Variants in GNA12 observed in about 807,000 individuals in gnomAD.
The protein encoded by GNA12 is guanine nucleotide-binding protein subunit alpha-12.
Under a neutral mutation model 26.0 loss-of-function variants are expected in GNA12, and 9 were observed. The observed-to-expected ratio is 0.35, with a 90% CI of 0.21 to 0.60. GNA12 has a LOEUF of 0.60. GNA12 is among the 20% of genes least tolerant of loss of function. GNA12 has a pLI of 0.78. For missense variants in GNA12, 405 were observed against 525.8 expected (o/e 0.77, Z 2.25); for synonymous variants, 264 against 219.6 (o/e 1.20, Z -1.79).
intron 2 of GNA12, among the ~76,000 whole-genome samples, chr7:2,748,254 A>G (rs1037121694): frequency 6.6e-6 from 1 of 152,024 alleles, no homozygotes; most frequent in African/African-American, 2.4e-5. Context: ...ACCTGACTTC[A>G]AACTATACTA....
intron 2 of GNA12, among the ~76,000 whole-genome samples, chr7:2,741,336 C>A (rs939011023): frequency 2.6e-5 from 4 of 152,090 alleles, no homozygotes; most frequent in African/African-American, 9.7e-5. Context: ...GCCTGGGCAA[C>A]AGAGTGAGAC....
At chr7:2,812,707 T>C (rs1583301930) in intron 1 of GNA12, among the ~76,000 whole-genome samples, 1 of 119,154 alleles carries the variant, frequency 8.4e-6, no homozygotes, top group South Asian at 2.7e-4. Flanking sequence ...AGGGGCTTTG[T>C]GCTCCTGTCA....
chr7:2,797,950 T>C (rs970567708), intron 1 of GNA12, among the ~76,000 whole-genome samples: 1 of 152,156 alleles, frequency 6.6e-6, no homozygotes. Flanking sequence ...CACCCACTCA[T>C]GATTTTAAAA....
rs74919938 is a variant in GNA12 at position 2,808,975 on chromosome 7, C to T, written c.310-13832G>A. ...AAACCCTTTGCCCCGGATAGCCGCA[C>T]GGCTCACTTCCTCAATGCTCAGTGA... On this transcript the variant is annotated intron_variant, in intron 1 of 3. Coordinates refer to ENST00000275364, the MANE Select transcript of GNA12 (RefSeq NM_007353.3). Among the ~76,000 whole-genome samples the T allele has an allele frequency of 5.1e-3, 778 of 152,336 alleles. 7 individuals carry two copies. The highest frequency in any genetic ancestry group is 0.018 in the African/African-American group (729 of 41,574).
chr7:2,842,764 T>C (rs950312306), intron 1 of GNA12, among the ~76,000 whole-genome samples: 3 of 152,174 alleles, frequency 2.0e-5, no homozygotes, highest in Non-Finnish European at 2.9e-5. Context: ...ATTACTAATG[T>C]TTAGGTTTGC....
chr7:2,744,569 A>G (rs868361376), intron 2 of GNA12, among the ~76,000 whole-genome samples: 1 of 152,354 alleles, frequency 6.6e-6, no homozygotes, highest in South Asian at 2.1e-4. Context: ...AAGATGGGGA[A>G]AAAACAGAGC....
Position 2,831,640 on chromosome 7 carries a change from T to TG in GNA12, c.309+12212dup, listed in dbSNP as rs1778662573. Reference sequence around the variant, plus strand: ...GGATGGTCTCGATCTCCTGACCTCGTGATCCGCCCGCCTCAGCCTCCCAAA... The same window carrying TG: ...GGATGGTCTCGATCTCCTGACCTCGTGGATCCGCCCGCCTCAGCCTCCCAAA... On this transcript the variant is annotated intron_variant, in intron 1 of 3. Coordinates refer to ENST00000275364, the MANE Select transcript of GNA12 (RefSeq NM_007353.3). Among the ~76,000 whole-genome samples, 3 of 151,980 alleles carry TG rather than the reference T, an allele frequency of 2.0e-5. No individual in the cohort carries two copies. The South Asian group carries it at 6.2e-4, about 31-fold the overall frequency.
At chr7:2,774,658 T>C (rs893141617) in intron 2 of GNA12, among the ~76,000 whole-genome samples, 2 of 152,240 alleles carry the variant, frequency 1.3e-5, no homozygotes, top group Non-Finnish European at 2.9e-5. Context: ...TTTGAGAACC[T>C]ACAGTCAACA....
chr7:2,785,692 T>A (rs1362860280), intron 2 of GNA12, among the ~76,000 whole-genome samples: 1 of 146,478 alleles, frequency 6.8e-6, no homozygotes, highest in Non-Finnish European at 1.5e-5. Flanking sequence ...GTATTGTGTA[T>A]GTGCATACAC....
intron 1 of GNA12, among the ~76,000 whole-genome samples, chr7:2,839,806 C>T (rs1778938258): frequency 6.6e-6 from 1 of 152,134 alleles, no homozygotes; most frequent in Non-Finnish European, 1.5e-5. Flanking sequence ...GGGGATCAGC[C>T]TGGCCAACAT....
intron 2 of GNA12, among the ~76,000 whole-genome samples, chr7:2,745,667 C>T (rs975739488): frequency 6.6e-6 from 1 of 152,182 alleles, no homozygotes; most frequent in Non-Finnish European, 1.5e-5. Context: ...TCACACATAA[C>T]AATATTAACT....
intron 2 of GNA12, among the ~76,000 whole-genome samples, chr7:2,734,308 C>G (rs531778643): frequency 6.6e-6 from 1 of 152,316 alleles, no homozygotes; most frequent in African/African-American, 2.4e-5. Flanking sequence ...TCAAAGGTAG[C>G]GTATTAAAAA....
chr7:2,767,609 T>G, intron 2 of GNA12, among the ~76,000 whole-genome samples: 1 of 141,028 alleles, frequency 7.1e-6, no homozygotes, highest in African/African-American at 2.5e-5. Flanking sequence ...CCCTGTCTTC[T>G]TATTTAAAAT....
intron 1 of GNA12, among the ~76,000 whole-genome samples, chr7:2,827,908 G>A (rs13225060): frequency 0.011 from 1,600 of 147,470 alleles, 15 homozygotes; most frequent in Non-Finnish European, 0.018. Flanking sequence ...CCCTACCCCC[G>A]ATACTTTATT....
Position 2,772,815 on chromosome 7 carries a change from T to G in GNA12, c.525+22113A>C, listed in dbSNP as rs889393839. Among the ~76,000 whole-genome samples, 6 of 152,256 alleles carry G rather than the reference T, an allele frequency of 3.9e-5. No individual in the cohort carries two copies. The South Asian group carries it at 8.3e-4, about 21-fold the overall frequency. On this transcript the variant is annotated intron_variant, in intron 2 of 3. Transcript: ENST00000275364. Reference sequence around the variant, plus strand: ...TATTTCCAAGAGAAATCAGTGCATATATCCATTAAGAGACCTGTCCAAGAA... The same window carrying G: ...TATTTCCAAGAGAAATCAGTGCATAGATCCATTAAGAGACCTGTCCAAGAA...
chr7:2,791,552 G>T (rs1792519117), intron 2 of GNA12, among the ~76,000 whole-genome samples: 1 of 152,236 alleles, frequency 6.6e-6, no homozygotes, highest in Admixed American at 6.5e-5. Flanking sequence ...GGAACAGGGA[G>T]GCGCCTAGTA....
chr7:2,779,369 G>C (rs180843407), intron 2 of GNA12, among the ~76,000 whole-genome samples: 2 of 152,026 alleles, frequency 1.3e-5, no homozygotes, highest in African/African-American at 2.4e-5. Flanking sequence ...AATAAGTTGG[G>C]TGTGGTGGTG....
At chr7:2,815,669 A>T (rs2533881) in intron 1 of GNA12, among the ~76,000 whole-genome samples, 70 of 152,180 alleles carry the variant, frequency 4.6e-4, no homozygotes, top group South Asian at 1.7e-3. Flanking sequence ...GCCCACAAGT[A>T]CCCCTCCGCC....
intron 2 of GNA12, among the ~76,000 whole-genome samples, chr7:2,768,991 C>T (rs1583264956): frequency 6.6e-6 from 1 of 152,206 alleles, no homozygotes; most frequent in African/African-American, 2.4e-5. Flanking sequence ...GCTCCCTCCA[C>T]CTCCTGGGTT....
Sources: allele counts gnomAD v4.1 joint callset (sites outside exome capture counted in the v4.1 genomes callset), GRCh38; gene constraint gnomAD v4.1.1; transcripts MANE v1.5; gene names NCBI Gene and HGNC (gene_info 2026-07-23, HGNC 2026-07-21).